The following DPP10 variants were observed in gnomAD, a reference collection of about 807,000 sequenced individuals.
DPP10 encodes inactive dipeptidyl peptidase 10.
Under a neutral mutation model 120.9 loss-of-function variants are expected in DPP10, and 33 were observed. That is an observed-to-expected ratio of 0.27 (90% CI 0.21 to 0.37). The LOEUF (loss-of-function observed/expected upper bound fraction) is 0.37. Among genes scored for constraint, DPP10 ranks in the 10% least tolerant of loss-of-function variants. The probability of loss-of-function intolerance (pLI) is 1.00; values close to 1 mark genes in which losing one functional copy is unlikely to be tolerated. For missense variants in DPP10, 816 were observed against 942.8 expected (o/e 0.87, Z 1.76); for synonymous variants, 337 against 326.1 (o/e 1.03, Z -0.36).
chr2:115,687,750 C>T (rs1294509645), intron 5 of DPP10, among the ~76,000 whole-genome samples: 2 of 152,112 alleles, frequency 1.3e-5, no homozygotes, highest in East Asian at 1.9e-4. Flanking sequence ...AATTAGAGAA[C>T]GACCAGCAAC....
chr2:115,228,609 A>G lies in DPP10; in HGVS notation c.61-80630A>G, dbSNP rs554808608. ...TTTTTAAAAAATTTAGTTTCCACAA[A>G]TAAGTAAGAACATGTGAAGTTTGTC... On this transcript the variant is annotated intron_variant, in intron 1 of 25. Coordinates refer to ENST00000410059, the MANE Select transcript of DPP10 (RefSeq NM_020868.6). 3.9e-5 allele frequency among the ~76,000 whole-genome samples: 6 copies of G among 152,164 alleles called. No homozygotes were observed. In the South Asian group the frequency reaches 1.2e-3, roughly 32 times the overall value.
intron 3 of DPP10, among the ~76,000 whole-genome samples, chr2:115,404,333 G>A (rs1435563634): frequency 6.6e-6 from 1 of 152,098 alleles, no homozygotes; most frequent in Non-Finnish European, 1.5e-5. Context: ...AAACAGGATG[G>A]TCCTACTCAT....
At chr2:115,836,902 A>G (rs930013422) in intron 24 of DPP10, among the ~76,000 whole-genome samples, 156 bp downstream of exon 24, 2 of 152,194 alleles carry the variant, frequency 1.3e-5, no homozygotes, top group African/African-American at 4.8e-5. Context: ...GTGGGAAAAA[A>G]GAATTCAGAG....
At chr2:114,535,643 T>G (rs1686422663) in intron 1 of DPP10, among the ~76,000 whole-genome samples, 1 of 152,202 alleles carries the variant, frequency 6.6e-6, no homozygotes. Flanking sequence ...CCTGAATATC[T>G]CCTGCATTTT....
chr2:114,606,242 GCTGT>G (rs1692792700), intron 1 of DPP10, among the ~76,000 whole-genome samples: 1 of 152,134 alleles, frequency 6.6e-6, no homozygotes, highest in Non-Finnish European at 1.5e-5. Flanking sequence ...TGAAGGGCCA[GCTGT>G]CTTTGTTTCT....
intron 3 of DPP10, among the ~76,000 whole-genome samples, chr2:115,384,579 AGAG>A (rs1317553733): frequency 1.4e-5 from 2 of 147,656 alleles, no homozygotes; most frequent in Non-Finnish European, 3.0e-5. Context: ...AAGAAGAGGA[AGAG>A]GAGGAAAAGG....
intron 1 of DPP10, among the ~76,000 whole-genome samples, chr2:115,134,750 T>G (rs2050561016): frequency 6.6e-6 from 1 of 152,042 alleles, no homozygotes; most frequent in Non-Finnish European, 1.5e-5. Flanking sequence ...AAAAAATGAC[T>G]GGAAGGAAAC....
At chr2:114,779,258 A>G (rs1189113755) in intron 1 of DPP10, among the ~76,000 whole-genome samples, 1 of 152,108 alleles carries the variant, frequency 6.6e-6, no homozygotes. Flanking sequence ...TTTGTGTTTC[A>G]TAAAGATTAA....
chr2:115,750,363 G>A (rs1678548914), intron 10 of DPP10, among the ~76,000 whole-genome samples: 1 of 152,196 alleles, frequency 6.6e-6, no homozygotes, highest in South Asian at 2.1e-4. Context: ...CCCTGCCTAT[G>A]TGTCAAGCTC....
intron 3 of DPP10, among the ~76,000 whole-genome samples, chr2:115,486,636 G>C (rs546956478): frequency 6.6e-6 from 1 of 152,232 alleles, no homozygotes; most frequent in East Asian, 1.9e-4. Flanking sequence ...GAAACTTTTG[G>C]TAAGAGTTTT....
intron 1 of DPP10, among the ~76,000 whole-genome samples, chr2:115,087,310 T>C (rs1708792441): frequency 1.3e-5 from 2 of 152,110 alleles, no homozygotes; most frequent in African/African-American, 4.8e-5. Context: ...ATTTTAGGGA[T>C]TGGTTGAAGT....
chr2:115,187,858 CA>C (rs1032719229), intron 1 of DPP10, among the ~76,000 whole-genome samples: 2 of 151,844 alleles, frequency 1.3e-5, no homozygotes, highest in African/African-American at 4.8e-5. Context: ...AAAAAACAAA[CA>C]AACAAAAAAA....
At chr2:115,821,840 G>A (rs995095277) in intron 21 of DPP10, among the ~76,000 whole-genome samples, 13 of 151,968 alleles carry the variant, frequency 8.6e-5, no homozygotes, top group Admixed American at 5.9e-4. Flanking sequence ...AAACGTGTAC[G>A]CTTGTTTTTG....
At chr2:115,376,636 G>A (rs1294692303) in intron 3 of DPP10, among the ~76,000 whole-genome samples, 1 of 150,904 alleles carries the variant, frequency 6.6e-6, no homozygotes, top group Admixed American at 6.6e-5. Context: ...GTGCCATGCT[G>A]GTGCGCTGCA....
chr2:114,641,258 C>G (rs1481084408), intron 1 of DPP10, among the ~76,000 whole-genome samples: 2 of 151,950 alleles, frequency 1.3e-5, no homozygotes, highest in African/African-American at 4.9e-5. Context: ...ACTATGTTAT[C>G]ATCTCACAAT....
chr2:115,019,521 A>G (rs1254418997), intron 1 of DPP10, among the ~76,000 whole-genome samples: 4 of 152,214 alleles, frequency 2.6e-5, no homozygotes, highest in Non-Finnish European at 4.4e-5. Flanking sequence ...GTTTGGGACT[A>G]CGTTAAACAT....
chr2:115,468,330 A>G (rs2074460603), intron 3 of DPP10: 2 of 513,978 alleles, frequency 3.9e-6, no homozygotes, highest in Non-Finnish European at 7.7e-6. Context: ...TGCTGCTGCC[A>G]CTGGAGCAAC....
chr2:115,330,456 AT>A (rs1168681109), intron 2 of DPP10, among the ~76,000 whole-genome samples: 1 of 151,666 alleles, frequency 6.6e-6, no homozygotes, highest in East Asian at 1.9e-4. Flanking sequence ...CCATTTGTCA[AT>A]TGTGGCTTTT....
chr2:114,845,732 T>TA (rs1048980284), intron 1 of DPP10, among the ~76,000 whole-genome samples: 3 of 152,172 alleles, frequency 2.0e-5, no homozygotes, highest in African/African-American at 7.2e-5. Context: ...CAAGAAGTGT[T>TA]AAAAATATCG....
Sources: allele counts gnomAD v4.1 joint callset (sites outside exome capture counted in the v4.1 genomes callset), GRCh38; gene constraint gnomAD v4.1.1; transcripts MANE v1.5; gene names NCBI Gene and HGNC (gene_info 2026-07-23, HGNC 2026-07-21).